TENM3: variants seen among roughly 807,000 people sequenced by gnomAD.
TENM3 encodes teneurin transmembrane protein 3.
In TENM3, 63 loss-of-function variants were observed where a neutral mutation model predicts 255.1. The observed-to-expected ratio is 0.25, with a 90% CI of 0.20 to 0.30. The LOEUF (loss-of-function observed/expected upper bound fraction) is 0.30, where lower values mean the gene tolerates loss of function less well. Among genes scored for constraint, TENM3 ranks in the 10% least tolerant of loss-of-function variants. The pLI is 1.00. For synonymous variants in TENM3, 1,306 were observed against 1,322.3 expected, an observed-to-expected ratio of 0.99 and a Z score of 0.27; for missense variants, 2,929 against 3,461.1, an observed-to-expected ratio of 0.85 and a Z score of 3.86.
the TENM3 span, among the ~76,000 whole-genome samples, chr4:181,464,664 C>T: frequency 3.3e-5 from 5 of 151,410 alleles, no homozygotes; most frequent in Admixed American, 3.3e-4. Flanking sequence ...AAAAATAGTC[C>T]AAGTAGCCAG....
the TENM3 span, among the ~76,000 whole-genome samples, chr4:181,844,525 G>A: frequency 3.9e-5 from 6 of 151,982 alleles, no homozygotes; most frequent in South Asian, 2.1e-4. Flanking sequence ...AAAATTAGCC[G>A]GGAGTGGTGG....
At chr4:182,065,286 C>T in the TENM3 span, among the ~76,000 whole-genome samples, 8 of 152,126 alleles carry the variant, frequency 5.3e-5, no homozygotes, top group Non-Finnish European at 7.4e-5. Flanking sequence ...CTGCCCACCT[C>T]GGCCACCCAC....
rs138298760 is a variant in TENM3, at chr4:182,666,592, A to C, written c.1112-6413A>C. ...ATAAAATTTTTTAAATTAAGTTTGT[A>C]CGTTGGTTTGTAGAAACCTATTGGC... On this transcript the variant is annotated intron_variant, in intron 6 of 27. Transcript: ENST00000511685. Among the ~76,000 whole-genome samples the C allele has an allele frequency of 1.9e-3, 286 of 152,278 alleles. 1 individual carries two copies. The highest frequency in any genetic ancestry group is 6.3e-3 in the African/African-American group (262 of 41,556).
At chr4:182,551,618 C>A (rs1742031115) in intron 3 of TENM3, among the ~76,000 whole-genome samples, 1 of 151,832 alleles carries the variant, frequency 6.6e-6, no homozygotes, top group Non-Finnish European at 1.5e-5. Flanking sequence ...GGCAACCAAG[C>A]CATCATTACT....
At chr4:182,300,092 T>C (rs910053471) in intron 1 of TENM3, among the ~76,000 whole-genome samples, 1 of 152,022 alleles carries the variant, frequency 6.6e-6, no homozygotes, top group African/African-American at 2.4e-5. Flanking sequence ...ATTTCTGTAT[T>C]TTTAGTAGAG....
the TENM3 span, among the ~76,000 whole-genome samples, chr4:181,483,195 A>T: frequency 6.6e-6 from 1 of 152,254 alleles, no homozygotes; most frequent in South Asian, 2.1e-4. Flanking sequence ...GTTTCAGACT[A>T]AATTGTCCAG....
At chr4:182,159,877 C>T (rs1159112351) in intron 1 of TENM3, among the ~76,000 whole-genome samples, 2 of 152,112 alleles carry the variant, frequency 1.3e-5, no homozygotes, top group South Asian at 2.1e-4. Context: ...ATGAAAAAGA[C>T]GGAAAGATTT....
At chr4:182,360,918 T>A (rs1580290011) in intron 3 of TENM3, among the ~76,000 whole-genome samples, 1 of 152,314 alleles carries the variant, frequency 6.6e-6, no homozygotes, top group East Asian at 1.9e-4. Flanking sequence ...GCAGGCCTGG[T>A]GGTGACAAAA....
At chr4:181,473,614 G>T in the TENM3 span, among the ~76,000 whole-genome samples, 1 of 150,818 alleles carries the variant, frequency 6.6e-6, no homozygotes, top group Admixed American at 6.6e-5. Flanking sequence ...CCAAAAAAAT[G>T]AAATGAAAAA....
Position 182,789,116 on chromosome 4 carries a change from A to G in TENM3, c.5328A>G (p.Ser1776=), listed in dbSNP as rs1561255303. The part of the protein sequence containing the change: ...KLRVNGRNLL[S]VDFDRTTKTE... ...AGGTTAATGGCAGAAACCTCCTTTC[A>G]GTTGACTTTGATCGAACAACAAAGA... is the stretch of plus-strand genomic sequence containing the variant. Residue 1776 remains serine (S), a synonymous_variant, in exon 25 of 28, where the codon TCA becomes TCG. Coordinates refer to ENST00000511685, the MANE Select transcript of TENM3 (RefSeq NM_001080477.4). This position sits in a 1 kb window ranked among gnomAD's most constrained non-coding sequence, Gnocchi z 4.4. 5.0e-6 allele frequency: 8 copies of G among 1,609,496 alleles called. No individual in the cohort carries two copies. In the South Asian group the frequency reaches 8.8e-5, roughly 18 times the overall value.
the TENM3 span, among the ~76,000 whole-genome samples, chr4:181,981,118 T>C: frequency 6.6e-6 from 1 of 152,190 alleles, no homozygotes; most frequent in South Asian, 2.1e-4. Flanking sequence ...TAATGTTCTC[T>C]TCCCTCTCCT....
In TENM3 at chr4:182,469,066, A is replaced by G. The variant is rs570985684; in HGVS notation, c.511+122137A>G. ...TTTAGGATCTTTTTTACTTAGCCAG[A>G]AGGGTCATCAACTGATTTTTGAAAG... On this transcript the variant is annotated intron_variant, in intron 3 of 27. Coordinates refer to ENST00000511685, the MANE Select transcript of TENM3 (RefSeq NM_001080477.4). Among the ~76,000 whole-genome samples the G allele has an allele frequency of 3.3e-5, 5 of 152,312 alleles. No individual in the cohort carries two copies. In the South Asian group the frequency reaches 1.0e-3, roughly 32 times the overall value.
the TENM3 span, among the ~76,000 whole-genome samples, chr4:182,011,624 C>T: frequency 5.9e-5 from 9 of 152,290 alleles, no homozygotes; most frequent in Non-Finnish European, 1.0e-4. Context: ...CTGCCCACCT[C>T]GGCAGCTTCA....
At chr4:182,023,526 G>A in the TENM3 span, among the ~76,000 whole-genome samples, 9 of 152,098 alleles carry the variant, frequency 5.9e-5, no homozygotes, top group Non-Finnish European at 1.2e-4. Flanking sequence ...TTTGAACATA[G>A]ATTATATCAT....
chr4:182,485,965 A>G (rs1412697012), intron 3 of TENM3, among the ~76,000 whole-genome samples: 1 of 152,146 alleles, frequency 6.6e-6, no homozygotes, highest in Non-Finnish European at 1.5e-5. Context: ...GGAGGAAATC[A>G]CGTTTAAGCT....
the TENM3 span, among the ~76,000 whole-genome samples, chr4:181,480,808 A>G: frequency 2.7e-5 from 4 of 149,052 alleles, no homozygotes; most frequent in Admixed American, 1.3e-4. Flanking sequence ...ATTGATATAT[A>G]TATAATATAG....
the TENM3 span, among the ~76,000 whole-genome samples, chr4:181,925,647 TAA>T: frequency 2.0e-5 from 3 of 152,336 alleles, no homozygotes; most frequent in Non-Finnish European, 1.5e-5. Context: ...TAAAATGTTA[TAA>T]AGTTATGGAG....
chr4:182,599,291 C>T (rs1454398925), intron 3 of TENM3, among the ~76,000 whole-genome samples: 3 of 152,122 alleles, frequency 2.0e-5, no homozygotes, highest in East Asian at 1.9e-4. Flanking sequence ...TCCTCAAAAG[C>T]GTATTTCAGT....
At chr4:182,168,139 C>CT (rs920676576) in intron 1 of TENM3, among the ~76,000 whole-genome samples, 94 of 145,026 alleles carry the variant, frequency 6.5e-4, no homozygotes, top group Admixed American at 8.3e-4. Context: ...ATTTTCTTTT[C>CT]TTTTTTTTTT....
Sources: allele counts gnomAD v4.1 joint callset (sites outside exome capture counted in the v4.1 genomes callset), GRCh38; gene constraint gnomAD v4.1.1; non-coding constraint Gnocchi (gnomAD v3.1); transcripts MANE v1.5; gene names NCBI Gene and HGNC (gene_info 2026-07-23, HGNC 2026-07-21).